Variants in CYP2A7 observed in about 807,000 individuals in gnomAD.
The protein encoded by CYP2A7 is cytochrome P450 2A7.
A neutral mutation model predicts 42.0 loss-of-function variants in CYP2A7; 36 were observed. That is an observed-to-expected ratio of 0.86 (90% CI 0.66 to 1.13). CYP2A7 has a LOEUF of 1.13. Among genes scored for constraint, CYP2A7 ranks in the 50% most tolerant of loss-of-function variants. CYP2A7 has a pLI of 0.00. For missense variants in CYP2A7, 661 were observed against 634.1 expected (o/e 1.04, Z -0.46); for synonymous variants, 260 against 249.5 (o/e 1.04, Z -0.40).
At position 40,875,719 on chromosome 19, in the gene CYP2A7, A is replaced by G. The variant is rs374369863; in HGVS notation, c.1459T>C (p.Tyr487His). 11 of 1,609,218 alleles carry G rather than the reference A, an allele frequency of 6.8e-6. No homozygotes were observed. The highest frequency in any genetic ancestry group is 8.5e-6 in the Non-Finnish European group (10 of 1,176,940). The change falls in exon 9 of 9, where the codon TAC becomes CAC. Residue 487 changes from tyrosine to histidine, a missense_variant. By Grantham distance (83) the Tyr-to-His change is moderately conservative. Around this residue, in one of 3 missense-constraint regions of CYP2A7, gnomAD observed 22 missense variants for 19.3 expected, o/e 1.14. Transcript: ENST00000301146. ...CAGCGGGGCAGGAAGCTCATGGTGTAGTTTCGTGGGATCGTGGCAAAGACC... is the reference window on the plus strand; with the variant it reads ...CAGCGGGGCAGGAAGCTCATGGTGTGGTTTCGTGGGATCGTGGCAAAGACC... The part of the protein sequence containing the change: ...HVVFATIPRN[Y>H]TMSFLPR
At chr19:40,881,430 T>C (rs937278892) in intron 2 of CYP2A7, among the ~76,000 whole-genome samples, 159 bp downstream of exon 2, 11 of 151,014 alleles carry the variant, frequency 7.3e-5, no homozygotes, top group South Asian at 2.1e-4. Context: ...AGGTGAGGGA[T>C]ACACATGGAG....
rs1291649068 is a variant in CYP2A7 at position 40,880,471 on chromosome 19, T to C, written c.493+8A>G. On this transcript the variant is annotated splice_region_variant and intron_variant, in intron 3 of 8. Transcript: ENST00000301146. Reference sequence around the variant, plus strand: ...CTCCTGCCCCCGCACTCGGGGAACCTTACTCACCGTGCGTGCTCCGGATGG... The same window carrying C: ...CTCCTGCCCCCGCACTCGGGGAACCCTACTCACCGTGCGTGCTCCGGATGG... The C allele has an allele frequency of 5.0e-6, 8 of 1,612,098 alleles. No individual in the cohort carries two copies. In the African/African-American group the frequency reaches 5.3e-5, roughly 11 times the overall value.
At position 40,880,605 on chromosome 19, in the gene CYP2A7, G is replaced by T. The variant is rs1301139008; in HGVS notation, c.367C>A (p.Arg123Ser). Reference protein sequence around the residue: ...GYGVAFSNGERAKQLLRFAIA... With the variant: ...GYGVAFSNGESAKQLLRFAIA... ...GCAAAGCGCAGGAGCTGCTTGGCGC[G>T]CTCCCCGTTGCTGAACGCCACGCCT... Residue 123 changes from arginine (R) to serine (S), a missense_variant, in exon 3 of 9, where the codon CGC becomes AGC. By Grantham distance (110) the Arg-to-Ser change is moderately radical. Transcript: ENST00000301146. 3 of 1,574,550 alleles carry T rather than the reference G, an allele frequency of 1.9e-6. No individual in the cohort carries two copies. In the African/African-American group the frequency reaches 4.1e-5, roughly 21 times the overall value.
intron 7 of CYP2A7, 37 bp downstream of exon 7, chr19:40,877,153 G>T: frequency 6.2e-7 from 1 of 1,600,614 alleles, no homozygotes; most frequent in Non-Finnish European, 8.6e-7. Flanking sequence ...AGAAGGGCTG[G>T]AAGTCCCCGT....
At chr19:40,881,110 G>T (rs1251902093) in intron 2 of CYP2A7, among the ~76,000 whole-genome samples, 1 of 151,554 alleles carries the variant, frequency 6.6e-6, no homozygotes, top group African/African-American at 2.4e-5. Context: ...GACAGAAACA[G>T]AGAGGGTCTG....
At chr19:40,880,801 GAGAGAGAGAGA>G in intron 2 of CYP2A7, among the ~76,000 whole-genome samples, 173 bp from the exon 3 acceptor site, 1 of 3,092 alleles carries the variant, frequency 3.2e-4, no homozygotes, top group South Asian at 0.01. Context: ...ACACGAGGGA[GAGAGAGAGAGA>G]GAGAGAGAGA....
In CYP2A7 at chr19:40,881,485, T is replaced by C. The variant is rs564206765; in HGVS notation, c.343+104A>G. 1,119 of 1,562,034 alleles carry C rather than the reference T, an allele frequency of 7.2e-4. 11 individuals carry two copies. The African/African-American group carries it at 0.013, about 19-fold the overall frequency. ...TGGGGAGATAAGACCAGACCGGGGGTTCTGCCATAGCCTCCAGTGGGCAGG... is the reference window on the plus strand; with the variant it reads ...TGGGGAGATAAGACCAGACCGGGGGCTCTGCCATAGCCTCCAGTGGGCAGG... On this transcript the variant is annotated intron_variant, in intron 2 of 8. Transcript: ENST00000301146.
rs778737865 is a variant in CYP2A7, at chr19:40,877,169, A to G, written c.1161+21T>C. 4.0e-5 allele frequency: 64 copies of G among 1,610,568 alleles called. 1 individual carries two copies. The highest frequency in any genetic ancestry group is 5.0e-5 in the Admixed American group (3 of 59,794). ...GAAGGGCTGGAAGTCCCCGTAGTCT[A>G]GGGGGTGGGGAGGATAGCACCTTAG... On this transcript the variant is annotated intron_variant, in intron 7 of 8. Transcript: ENST00000301146.
Position 40,880,370 on chromosome 19 carries a change from T to C in CYP2A7, c.493+109A>G, listed in dbSNP as rs1381619951. 37 of 1,546,368 alleles carry C rather than the reference T, an allele frequency of 2.4e-5. No individual in the cohort carries two copies. The African/African-American group carries it at 4.8e-4, about 20-fold the overall frequency. The stretch of plus-strand genomic sequence containing the variant: ...CAGCGCCAGACTCCAGGGCTGGAAG[T>C]GCGGGCGCCTTTCCCCACCTAGTCC... On this transcript the variant is annotated intron_variant, in intron 3 of 8. Coordinates refer to ENST00000301146, the MANE Select transcript of CYP2A7 (RefSeq NM_000764.3).
In CYP2A7 at chr19:40,876,636, C is replaced by A. The variant is rs746428759; in HGVS notation, c.1194G>T (p.Val398=). The change falls in exon 8 of 9, where the codon GTG becomes GTT. Residue 398 remains valine (V), a synonymous_variant. Coordinates refer to ENST00000301146, the MANE Select transcript of CYP2A7 (RefSeq NM_000764.3). The part of the protein sequence containing the change: ...GTEVFPMLGS[V]LRDPSFFSNP... ...TGGAGAAGAAGCTGGGGTCTCTCAGCACGGAGCCCAGCATAGGGAACACTT... is the reference window on the plus strand; with the variant it reads ...TGGAGAAGAAGCTGGGGTCTCTCAGAACGGAGCCCAGCATAGGGAACACTT... 6.2e-7 allele frequency: 1 copy of A among 1,612,850 alleles called. No homozygotes were observed. The highest frequency in any genetic ancestry group is 8.5e-7 in the Non-Finnish European group (1 of 1,179,186).
chr19:40,879,660 G>A (rs1469629203), intron 4 of CYP2A7, among the ~76,000 whole-genome samples: 1 of 151,548 alleles, frequency 6.6e-6, no homozygotes. Flanking sequence ...GCTAATCTGG[G>A]ACATTTGTGT....
rs150758805 is a variant in CYP2A7 at position 40,876,621 on chromosome 19, G to C, written c.1209C>G (p.Ser403Arg). ...TGAAGTCCTGAGGGTTGGAGAAGAA[G>C]CTGGGGTCTCTCAGCACGGAGCCCA... is the stretch of plus-strand genomic sequence containing the variant. The part of the protein sequence containing the change: ...PMLGSVLRDP[S>R]FFSNPQDFNP... Residue 403 changes from serine to arginine, a missense_variant, in exon 8 of 9, where the codon AGC (serine) becomes AGG (arginine). Ser to Arg is a moderately radical substitution (Grantham distance 110, BLOSUM62 -1). Transcript: ENST00000301146. 5.0e-6 allele frequency: 8 copies of C among 1,612,704 alleles called. 2 individuals carry two copies. The South Asian group carries it at 5.5e-5, about 11-fold the overall frequency.
rs183743946 is a variant in CYP2A7 at position 40,877,486 on chromosome 19, A to G, written c.974-109T>C. The G allele has an allele frequency of 1.8e-4, 268 of 1,486,280 alleles. 4 individuals are homozygous for G. The African/African-American group carries it at 3.3e-3, about 18-fold the overall frequency. The allele number at this position is 1,486,280 out of a possible 1,614,324, so 92.1% of individuals were successfully genotyped here. On this transcript the variant is annotated intron_variant, in intron 6 of 8. Transcript: ENST00000301146. ...TGATACGGCTCCCCCTATGAGACGG[A>G]GGTAGAGCATTCATAACAGAACAGA... is the stretch of plus-strand genomic sequence containing the variant.
At position 40,880,486 on chromosome 19, in the gene CYP2A7, G is replaced by T. The variant is rs759854971; in HGVS notation, c.486C>A (p.Ser162Arg). 6.2e-7 allele frequency: 1 copy of T among 1,612,582 alleles called. No individual in the cohort carries two copies. The highest frequency in any genetic ancestry group is 8.5e-7 in the Non-Finnish European group (1 of 1,178,994). Reference sequence around the variant, plus strand: ...TCGGGGAACCTTACTCACCGTGCGTGCTCCGGATGGCCTCGATGAGGAAGC... The same window carrying T: ...TCGGGGAACCTTACTCACCGTGCGTTCTCCGGATGGCCTCGATGAGGAAGC... ...ESGFLIEAIRSTHGANIDPTF... is the reference protein window; with the variant it reads ...ESGFLIEAIRRTHGANIDPTF... The change falls in exon 3 of 9, where the codon AGC becomes AGA. Residue 162 changes from serine (S) to arginine (R), a missense_variant. Coordinates refer to ENST00000301146, the MANE Select transcript of CYP2A7 (RefSeq NM_000764.3).
chr19:40,875,592 C>A lies in CYP2A7; in HGVS notation c.*101G>T. ...AGCCACCACGCCCCTTCCTTTCCCGCATCTTCCCCCCATTCTTATACCCGC... is the reference window on the plus strand; with the variant it reads ...AGCCACCACGCCCCTTCCTTTCCCGAATCTTCCCCCCATTCTTATACCCGC... On this transcript the variant is annotated 3_prime_UTR_variant, in exon 9 of 9. Coordinates refer to ENST00000301146, the MANE Select transcript of CYP2A7 (RefSeq NM_000764.3). The A allele has an allele frequency of 6.3e-7, 1 of 1,577,132 alleles. No homozygotes were observed. Among genetic ancestry groups the A allele is most frequent in the East Asian group, 2.2e-5 (1 of 44,500 alleles).
Position 40,875,640 on chromosome 19 carries a change from A to T in CYP2A7, c.*53T>A. 1 of 1,609,696 alleles carries T rather than the reference A, an allele frequency of 6.2e-7. No individual in the cohort carries two copies. The highest frequency in any genetic ancestry group is 8.5e-7 in the Non-Finnish European group (1 of 1,177,388). On this transcript the variant is annotated 3_prime_UTR_variant, in exon 9 of 9. Coordinates refer to ENST00000301146, the MANE Select transcript of CYP2A7 (RefSeq NM_000764.3). Reference sequence around the variant, plus strand: ...CGCCTCTTCCGCGAACCCCGCCCTGACCCCGCCTTTCCCTGGCCCCGCCCA... The same window carrying T: ...CGCCTCTTCCGCGAACCCCGCCCTGTCCCCGCCTTTCCCTGGCCCCGCCCA...
At chr19:40,878,237 A>G (rs1004328030) in intron 5 of CYP2A7, among the ~76,000 whole-genome samples, 1 of 149,652 alleles carries the variant, frequency 6.7e-6, no homozygotes, top group African/African-American at 2.5e-5. Flanking sequence ...CTTAGCTGTC[A>G]GTTTTTTTTT....
chr19:40,881,430 T>A (rs937278892), intron 2 of CYP2A7, among the ~76,000 whole-genome samples, 159 bp downstream of exon 2: 1 of 151,014 alleles, frequency 6.6e-6, no homozygotes, highest in African/African-American at 2.4e-5. Flanking sequence ...AGGTGAGGGA[T>A]ACACATGGAG....
In CYP2A7 at chr19:40,878,821, C is replaced by G; in HGVS notation, c.770G>C (p.Arg257Pro). Residue 257 changes from arginine to proline, a missense_variant, in exon 5 of 9, where the codon CGC becomes CCC. Transcript: ENST00000301146. ...CTGTGGGGAATTGGGATCCAGCGTG[C>G]GCTGGTTGTGCTCCACCTTCTTGGC... Reference protein sequence around the residue: ...FIAKKVEHNQRTLDPNSPQDF... With the variant: ...FIAKKVEHNQPTLDPNSPQDF... 6.2e-7 allele frequency: 1 copy of G among 1,612,280 alleles called. No homozygotes were observed. Among genetic ancestry groups the G allele is most frequent in the Non-Finnish European group, 8.5e-7 (1 of 1,178,762 alleles).
Sources: gnomAD v4.1 joint callset for allele counts (sites outside exome capture counted in the v4.1 genomes callset) on GRCh38, gnomAD v4.1.1 for gene constraint, gnomAD v4.1.1 regional missense constraint, MANE v1.5 for transcripts, NCBI Gene and HGNC (gene_info 2026-07-23, HGNC 2026-07-21) for gene names.